Variants in CMIP observed in about 807,000 individuals in gnomAD.
CMIP encodes the protein c-Maf inducing protein.
A neutral mutation model predicts 97.3 loss-of-function variants in CMIP; 13 were observed. The ratio of observed to expected loss-of-function variants is 0.13; its 90% CI spans 0.09 to 0.21. CMIP has a LOEUF of 0.21. Ranked by LOEUF, CMIP falls within the 10% of genes least tolerant of loss-of-function variation. CMIP has a pLI of 1.00. For synonymous variants in CMIP, 538 were observed against 436.3 expected (o/e 1.23, Z -2.91); for missense variants, 847 against 1,024.9 (o/e 0.83, Z 2.37).
chr16:81,601,399 C>A (rs1304836229), intron 1 of CMIP, among the ~76,000 whole-genome samples: 1 of 151,550 alleles, frequency 6.6e-6, no homozygotes, highest in Non-Finnish European at 1.5e-5. Context: ...GCATCGGGGG[C>A]CCAATGGGGG....
rs1597204615 is a variant in CMIP at position 81,655,793 on chromosome 16, G to T, written c.640-1982G>T. Among the ~76,000 whole-genome samples, 1 of 152,196 alleles carries T rather than the reference G, an allele frequency of 6.6e-6. No individual in the cohort carries two copies. The highest frequency in any genetic ancestry group is 2.4e-5 in the African/African-American group (1 of 41,458). ...CAGACGGGTTCATATCCTCACTGCA[G>T]CCCCTATTACCCTGCGCCTGCTAGT... On this transcript the variant is annotated intron_variant, in intron 4 of 20. Transcript: ENST00000537098. The surrounding 1 kb of genome is among the most constrained non-coding windows in gnomAD (Gnocchi z 4.9).
chr16:81,644,825 G>A (rs1210803918), intron 3 of CMIP, among the ~76,000 whole-genome samples: 1 of 152,198 alleles, frequency 6.6e-6, no homozygotes, highest in African/African-American at 2.4e-5. Flanking sequence ...GTCCCAGTGA[G>A]ATGGGGGCTT....
intron 1 of CMIP, chr16:81,464,933 C>T (rs1271277745): frequency 6.6e-6 from 1 of 152,180 alleles, no homozygotes; most frequent in African/African-American, 2.4e-5. Flanking sequence ...ACTGGATAGA[C>T]CACATTTGAT....
At chr16:81,499,643 G>C (rs1267430105) in intron 1 of CMIP, among the ~76,000 whole-genome samples, 1 of 152,244 alleles carries the variant, frequency 6.6e-6, no homozygotes, top group Admixed American at 6.5e-5. Context: ...GTCCTTAGCA[G>C]ACTGGGCTGG....
rs144896674 is a variant in CMIP, at chr16:81,533,625, C to T, written c.301-73942C>T. 1.5e-3 allele frequency among the ~76,000 whole-genome samples: 221 copies of T among 152,196 alleles called. 1 individual carries two copies. The highest frequency in any genetic ancestry group is 4.9e-3 in the African/African-American group (203 of 41,530). ...TCCAGAGTAGCTGGGACTATATGCA[C>T]GTGCCGCCATGCCCAGCTAATTTTT... On this transcript the variant is annotated intron_variant, in intron 1 of 20. Coordinates refer to ENST00000537098, the MANE Select transcript of CMIP (RefSeq NM_198390.3).
chr16:81,607,719 G>T lies in CMIP; in HGVS notation c.426+27G>T, dbSNP rs1422547901. ...TAGGAGAAATAAACATGAACAAGCA[G>T]TTTCTTCTCCCTCATCTTCATGCAC... On this transcript the variant is annotated intron_variant, in intron 2 of 20. Coordinates refer to ENST00000537098, the MANE Select transcript of CMIP (RefSeq NM_198390.3). The T allele has an allele frequency of 1.9e-6, 3 of 1,608,712 alleles. No individual in the cohort carries two copies. In the African/African-American group the frequency reaches 4.0e-5, roughly 21 times the overall value.
rs1022495999 is a variant in CMIP, at chr16:81,471,415, C to T, written c.300+25874C>T. The stretch of plus-strand genomic sequence containing the variant: ...ATATACACGTACAAATGCATACACA[C>T]ATACATGTACATGCACATACATTTG... On this transcript the variant is annotated intron_variant, in intron 1 of 20. Transcript: ENST00000537098. Among the ~76,000 whole-genome samples, 278 of 152,110 alleles carry T rather than the reference C, an allele frequency of 1.8e-3. 1 individual carries two copies. The highest frequency in any genetic ancestry group is 6.1e-3 in the African/African-American group (255 of 41,514).
chr16:81,529,777 A>G (rs917857929), intron 1 of CMIP, among the ~76,000 whole-genome samples: 4 of 152,192 alleles, frequency 2.6e-5, no homozygotes, highest in African/African-American at 9.6e-5. Flanking sequence ...CAGCCAAGGA[A>G]TGCAGGCAGC....
At chr16:81,495,503 C>G (rs947812670) in intron 1 of CMIP, 11 of 1,612,678 alleles carry the variant, frequency 6.8e-6, no homozygotes, top group Non-Finnish European at 9.3e-6. Context: ...AGGTACAGTC[C>G]CATGTGGGGA....
chr16:81,584,808 G>A (rs2091353854), intron 1 of CMIP, among the ~76,000 whole-genome samples: 1 of 152,202 alleles, frequency 6.6e-6, no homozygotes, highest in African/African-American at 2.4e-5. Context: ...CCTCTGTCCA[G>A]TAAAGGAACG....
chr16:81,583,977 A>C (rs2091339306), intron 1 of CMIP, among the ~76,000 whole-genome samples: 1 of 152,140 alleles, frequency 6.6e-6, no homozygotes. Context: ...GAAGAAAAAT[A>C]AGAGGAGGCA....
intron 1 of CMIP, among the ~76,000 whole-genome samples, chr16:81,529,027 T>C (rs2090183456): frequency 6.6e-6 from 1 of 152,190 alleles, no homozygotes; most frequent in South Asian, 2.1e-4. Context: ...CTGATGGCTT[T>C]ACCCATTGTA....
intron 3 of CMIP, among the ~76,000 whole-genome samples, chr16:81,649,736 G>T (rs1288415338): frequency 2.0e-5 from 3 of 152,352 alleles, no homozygotes; most frequent in African/African-American, 7.2e-5. Context: ...TCCACTTAGA[G>T]CCCAGACTCC....
intron 2 of CMIP, among the ~76,000 whole-genome samples, chr16:81,613,662 A>C (rs2091867203): frequency 6.6e-6 from 1 of 152,218 alleles, no homozygotes; most frequent in African/African-American, 2.4e-5. Context: ...TCATTTTTAG[A>C]GTCTTAGTCA....
intron 1 of CMIP, 71 bp from the exon 2 acceptor site, chr16:81,607,496 G>A (rs540319657): frequency 5.6e-5 from 89 of 1,578,334 alleles, no homozygotes; most frequent in East Asian, 1.1e-4. Flanking sequence ...TTCCAAAACC[G>A]TCTGAGATGC....
chr16:81,532,753 A>G (rs2090263951), intron 1 of CMIP, among the ~76,000 whole-genome samples: 1 of 152,184 alleles, frequency 6.6e-6, no homozygotes, highest in Admixed American at 6.5e-5. Context: ...ACTCCCTGGG[A>G]TGCAGCTCTG....
At chr16:81,628,474 A>G (rs1245858294) in intron 3 of CMIP, among the ~76,000 whole-genome samples, 1 of 152,158 alleles carries the variant, frequency 6.6e-6, no homozygotes, top group Non-Finnish European at 1.5e-5. Flanking sequence ...GTGAATCCTT[A>G]CAGCCCTGAG....
At chr16:81,570,505 G>A (rs1382709851) in intron 1 of CMIP, among the ~76,000 whole-genome samples, 1 of 152,154 alleles carries the variant, frequency 6.6e-6, no homozygotes, top group Non-Finnish European at 1.5e-5. Context: ...CTCCTGGCAG[G>A]TGGTGGGACC....
At chr16:81,678,729 C>G in intron 10 of CMIP, 101 bp downstream of exon 10, 1 of 618,180 alleles carries the variant, frequency 1.6e-6, no homozygotes, top group Non-Finnish European at 2.9e-6. Context: ...TACGCAGGGC[C>G]GGGCATGGTA....
Sources: gnomAD v4.1 joint callset for allele counts (sites outside exome capture counted in the v4.1 genomes callset) on GRCh38, gnomAD v4.1.1 for gene constraint, Gnocchi (gnomAD v3.1) non-coding constraint, MANE v1.5 for transcripts, NCBI Gene and HGNC (gene_info 2026-07-23, HGNC 2026-07-21) for gene names.